Variants in CHL1 observed in about 807,000 individuals in gnomAD.
The protein encoded by CHL1 is cell adhesion molecule L1 like.
CHL1 carries 96 observed loss-of-function variants against 141.9 expected under a neutral mutation model. That is an observed-to-expected ratio of 0.68 (90% CI 0.57 to 0.80). CHL1 has a LOEUF of 0.80. Among genes scored for constraint, CHL1 ranks in the 30% least tolerant of loss-of-function variants. The pLI is 0.00. For synonymous variants in CHL1, 613 were observed against 502.2 expected (o/e 1.22, Z -2.95); for missense variants, 1,820 against 1,457.2 (o/e 1.25, Z -4.05).
intron 19 of CHL1, among the ~76,000 whole-genome samples, chr3:387,547 T>C (rs907816594): frequency 5.3e-5 from 8 of 152,238 alleles, no homozygotes; most frequent in Non-Finnish European, 1.0e-4. Flanking sequence ...TATTTATTTA[T>C]TTAAAATTTG....
rs201946467 is a variant in CHL1 at position 354,439 on chromosome 3, A to G, written c.1034-201A>G. On this transcript the variant is annotated intron_variant, in intron 10 of 27. Transcript: ENST00000256509. ...GAGTCCAAATTAAACACAAGCACAC[A>G]CACACACACACACACACACACCATA... 1.3e-4 allele frequency among the ~76,000 whole-genome samples: 19 copies of G among 148,626 alleles called. No homozygotes were observed. The East Asian group carries it at 1.8e-3, about 14-fold the overall frequency.
chr3:268,547 T>G (rs924584731), intron 2 of CHL1, among the ~76,000 whole-genome samples: 3 of 151,432 alleles, frequency 2.0e-5, no homozygotes, highest in Non-Finnish European at 4.4e-5. Flanking sequence ...AAAAATAAAA[T>G]AAAGTAAAAT....
intron 11 of CHL1, among the ~76,000 whole-genome samples, chr3:358,485 G>C (rs1411273617): frequency 6.6e-6 from 1 of 152,092 alleles, no homozygotes; most frequent in Non-Finnish European, 1.5e-5. Flanking sequence ...AAGTAACAAA[G>C]TCATACATTC....
At chr3:340,970 A>T in intron 6 of CHL1, 54 bp downstream of exon 6, 1 of 1,533,784 alleles carries the variant, frequency 6.5e-7, no homozygotes, top group Non-Finnish European at 8.9e-7. Flanking sequence ...TCTATCCATC[A>T]TATCAATAAC....
At chr3:283,264 C>T (rs751704370) in intron 2 of CHL1, among the ~76,000 whole-genome samples, 1 of 152,350 alleles carries the variant, frequency 6.6e-6, no homozygotes, top group Admixed American at 6.5e-5. Flanking sequence ...AGCCTGCAGT[C>T]TTCCCCTAAT....
At chr3:213,689 C>T (rs1053896890) in intron 1 of CHL1, 1 of 152,112 alleles carries the variant, frequency 6.6e-6, no homozygotes, top group Admixed American at 6.6e-5. Flanking sequence ...AAGATTATTT[C>T]CAGCTTGTGC....
At chr3:318,299 G>A (rs546686869) in intron 2 of CHL1, among the ~76,000 whole-genome samples, 132 of 151,918 alleles carry the variant, frequency 8.7e-4, no homozygotes, top group African/African-American at 3.1e-3. Context: ...TAATAAAGCG[G>A]AAATACTTAG....
At chr3:252,755 G>T (rs1231551513) in intron 2 of CHL1, among the ~76,000 whole-genome samples, 1 of 151,956 alleles carries the variant, frequency 6.6e-6, no homozygotes, top group East Asian at 1.9e-4. Context: ...TGTCCTCAAT[G>T]ATTATAGCAT....
chr3:339,146 T>A (rs1038874906), intron 5 of CHL1, among the ~76,000 whole-genome samples: 4 of 152,230 alleles, frequency 2.6e-5, no homozygotes, highest in African/African-American at 9.6e-5. Context: ...CTGACTTCAA[T>A]GCCAGTGTTT....
intron 2 of CHL1, among the ~76,000 whole-genome samples, chr3:316,756 C>T (rs1016799271): frequency 6.6e-6 from 1 of 151,256 alleles, no homozygotes; most frequent in South Asian, 2.1e-4. Flanking sequence ...TCTCATGTAC[C>T]CTATAAATAC....
chr3:209,615 G>A (rs1180636266), intron 1 of CHL1, among the ~76,000 whole-genome samples: 1 of 152,072 alleles, frequency 6.6e-6, no homozygotes, highest in Non-Finnish European at 1.5e-5. Flanking sequence ...TGCACAACGT[G>A]CAGGTTTGTT....
At position 314,301 on chromosome 3, in the gene CHL1, CTCTCTCTT is replaced by C. The variant is rs1282114941; in HGVS notation, c.-94-5374_-94-5367del. Among the ~76,000 whole-genome samples, 290 of 121,546 alleles carry C rather than the reference CTCTCTCTT, an allele frequency of 2.4e-3. 11 individuals are homozygous for C. Among genetic ancestry groups the C allele is most frequent in the African/African-American group, 0.01 (284 of 27,900 alleles). The allele number at this position is 121,546 out of a possible 152,430, so 79.7% of individuals were successfully genotyped here. On this transcript the variant is annotated intron_variant, in intron 2 of 27. Transcript: ENST00000256509. ...CATAACCTCCCCCCAATCTTGCACT[CTCTCTCTT>C]TCTCTCTCTCTCTCTATGTGTATAT...
Position 260,952 on chromosome 3 carries a change from G to A in CHL1, c.-95+16260G>A, listed in dbSNP as rs536277197. 6.6e-5 allele frequency among the ~76,000 whole-genome samples: 10 copies of A among 152,336 alleles called. 1 individual carries two copies. Among genetic ancestry groups the A allele is most frequent in the African/African-American group, 2.4e-4 (10 of 41,582 alleles). On this transcript the variant is annotated intron_variant, in intron 2 of 27. Coordinates refer to ENST00000256509, the MANE Select transcript of CHL1 (RefSeq NM_006614.4). ...TGGTTTTTTTTGGACAGTTTGAGAAGCCATTCCGTCGGCCTTATTTATTGT... is the reference window on the plus strand; with the variant it reads ...TGGTTTTTTTTGGACAGTTTGAGAAACCATTCCGTCGGCCTTATTTATTGT...
intron 11 of CHL1, among the ~76,000 whole-genome samples, chr3:356,852 G>C (rs930586457): frequency 3.9e-5 from 6 of 152,194 alleles, no homozygotes; most frequent in South Asian, 2.1e-4. Flanking sequence ...GTAGGGCCTT[G>C]GGATTTTGAG....
At chr3:356,486 A>C (rs1271754080) in intron 11 of CHL1, among the ~76,000 whole-genome samples, 43 of 152,328 alleles carry the variant, frequency 2.8e-4, no homozygotes, top group Non-Finnish European at 1.5e-5. Flanking sequence ...AAATGGATGG[A>C]ATCCTTGCTC....
intron 2 of CHL1, among the ~76,000 whole-genome samples, chr3:257,858 A>G (rs1694321591): frequency 1.3e-5 from 2 of 152,238 alleles, no homozygotes; most frequent in South Asian, 2.1e-4. Flanking sequence ...GCGTACAGAT[A>G]TGAAAAAAAT....
At chr3:309,432 TTCTC>T (rs544564607) in intron 2 of CHL1, 1 of 147,542 alleles carries the variant, frequency 6.8e-6, no homozygotes, top group African/African-American at 2.6e-5. Flanking sequence ...TCCTCTTTCT[TTCTC>T]TTTCTTTCTT....
chr3:398,884 A>T, intron 25 of CHL1, 133 bp from the exon 26 acceptor site: 1 of 686,074 alleles, frequency 1.5e-6, no homozygotes, highest in Non-Finnish European at 2.4e-6. Context: ...TTCAAATTGC[A>T]TTCCTTCTGG....
chr3:213,061 C>T (rs1186574132), intron 1 of CHL1: 5 of 152,180 alleles, frequency 3.3e-5, no homozygotes, highest in Non-Finnish European at 7.3e-5. Flanking sequence ...AACTTGAAGT[C>T]ATTGCATTTT....
Sources: gnomAD v4.1 joint callset for allele counts (sites outside exome capture counted in the v4.1 genomes callset) on GRCh38, gnomAD v4.1.1 for gene constraint, MANE v1.5 for transcripts, NCBI Gene and HGNC (gene_info 2026-07-23, HGNC 2026-07-21) for gene names.